ELAPOR2: variants seen among roughly 807,000 people sequenced by gnomAD.
ELAPOR2 encodes the protein endosome/lysosome-associated apoptosis and autophagy regulator family member 2.
A neutral mutation model predicts 120.7 loss-of-function variants in ELAPOR2; 89 were observed. The observed-to-expected ratio is 0.74, with a 90% CI of 0.62 to 0.88. The LOEUF is 0.88. Among genes scored for constraint, ELAPOR2 ranks in the 40% least tolerant of loss-of-function variants. The pLI, the probability that ELAPOR2 is intolerant of heterozygous loss-of-function variation, is 0.00. For missense variants in ELAPOR2, 1,134 were observed against 1,251.6 expected (o/e 0.91, Z 1.42); for synonymous variants, 444 against 444.9 (o/e 1.00, Z 0.03).
intron 7 of ELAPOR2, 76 bp from the exon 8 acceptor site, chr7:86,938,290 G>C: frequency 1.8e-6 from 2 of 1,121,882 alleles, no homozygotes; most frequent in Non-Finnish European, 2.6e-6. Context: ...AAGCAAAACA[G>C]AAAAAGCAAC....
At chr7:86,907,280 T>C (rs1789066554) in intron 18 of ELAPOR2, among the ~76,000 whole-genome samples, 1 of 152,072 alleles carries the variant, frequency 6.6e-6, no homozygotes, top group Non-Finnish European at 1.5e-5. Context: ...GATTACTTAA[T>C]CTTGATCACC....
intron 1 of ELAPOR2, among the ~76,000 whole-genome samples, chr7:87,040,519 T>G (rs956171575): frequency 7.2e-5 from 11 of 152,036 alleles, no homozygotes; most frequent in Non-Finnish European, 1.2e-4. Context: ...CACCTCACAC[T>G]GCAGGGTATT....
chr7:86,926,863 T>C lies in ELAPOR2; in HGVS notation c.1143A>G (p.Thr381=), dbSNP rs145349832. 2.0e-5 allele frequency: 32 copies of C among 1,600,488 alleles called. No individual in the cohort carries two copies. The highest frequency in any genetic ancestry group is 1.7e-5 in the Admixed American group (1 of 58,380). ...CAGAAGGGGGCAATCTAATAGCATC[T>C]GTGAGATCCTCCCGGCAGATTTTGG... ...IEPKICREDL[T]DAIRLPPSGE... The change falls in exon 9 of 22, where the codon ACA becomes ACG. Residue 381 remains threonine, a synonymous_variant. Transcript: ENST00000450689.
intron 1 of ELAPOR2, among the ~76,000 whole-genome samples, chr7:86,978,160 T>C (rs1210906238): frequency 6.6e-6 from 1 of 152,178 alleles, no homozygotes; most frequent in Non-Finnish European, 1.5e-5. Flanking sequence ...TGAGGTCTGA[T>C]GGTTTTATAA....
intron 1 of ELAPOR2, among the ~76,000 whole-genome samples, chr7:87,046,064 C>T (rs1794945239): frequency 6.6e-6 from 1 of 151,930 alleles, no homozygotes; most frequent in African/African-American, 2.4e-5. Flanking sequence ...CTAAAGACTC[C>T]ACCAAAAAAC....
chr7:86,925,605 T>C lies in ELAPOR2; in HGVS notation c.1322A>G (p.Lys441Arg). The C allele has an allele frequency of 1.9e-6, 3 of 1,612,066 alleles. No homozygotes were observed. The highest frequency in any genetic ancestry group is 2.5e-6 in the Non-Finnish European group (3 of 1,178,634). The change falls in exon 10 of 22, where the codon AAA (lysine) becomes AGA (arginine). Residue 441 changes from lysine (K) to arginine (R), a missense_variant. Lys to Arg is a conservative substitution (Grantham distance 26). Coordinates refer to ENST00000450689, the MANE Select transcript of ELAPOR2 (RefSeq NM_001142749.3). Reference protein sequence around the residue: ...GTEPALGFEYKWWNVLPGNMK... With the variant: ...GTEPALGFEYRWWNVLPGNMK... ...GTTGCCAGGAAGGACATTCCACCAT[T>C]TATATTCAAAGCCAAGTGCAGGCTC...
intron 3 of ELAPOR2, among the ~76,000 whole-genome samples, chr7:86,946,443 A>G (rs557004715): frequency 3.9e-4 from 60 of 152,260 alleles, no homozygotes; most frequent in African/African-American, 1.4e-3. Context: ...CTGGAGTGCA[A>G]TGGTGCGATC....
At chr7:87,037,618 G>A (rs1180539564) in intron 1 of ELAPOR2, among the ~76,000 whole-genome samples, 2 of 152,150 alleles carry the variant, frequency 1.3e-5, no homozygotes, top group Admixed American at 6.5e-5. Context: ...TGCGTCCAAT[G>A]TGATTTCCCT....
At chr7:86,943,911 G>A (rs534396681) in intron 4 of ELAPOR2, among the ~76,000 whole-genome samples, 62 of 152,134 alleles carry the variant, frequency 4.1e-4, no homozygotes, top group Non-Finnish European at 7.4e-4. Context: ...AATGCTTAGT[G>A]CCGGAAGGTT....
At chr7:86,960,560 T>C (rs1265978065) in intron 2 of ELAPOR2, among the ~76,000 whole-genome samples, 2 of 152,170 alleles carry the variant, frequency 1.3e-5, no homozygotes, top group Admixed American at 1.3e-4. Context: ...CTGCTGTTTC[T>C]TTACTGATTT....
At chr7:86,951,933 G>A (rs1236764112) in intron 2 of ELAPOR2, among the ~76,000 whole-genome samples, 5 of 152,088 alleles carry the variant, frequency 3.3e-5, no homozygotes, top group South Asian at 2.1e-4. Context: ...TTGTACTTAG[G>A]AACACTAGCC....
intron 2 of ELAPOR2, among the ~76,000 whole-genome samples, chr7:86,958,751 T>TA (rs926977795): frequency 3.3e-5 from 5 of 152,374 alleles, no homozygotes; most frequent in East Asian, 1.9e-4. Flanking sequence ...AGAATTAACA[T>TA]ACATGGCTCA....
At chr7:86,976,454 A>G (rs748909000) in intron 1 of ELAPOR2, among the ~76,000 whole-genome samples, 4 of 152,200 alleles carry the variant, frequency 2.6e-5, no homozygotes, top group Non-Finnish European at 5.9e-5. Flanking sequence ...AATATACTCA[A>G]AGAAGTATAG....
intron 1 of ELAPOR2, among the ~76,000 whole-genome samples, chr7:87,005,678 G>A (rs1242718293): frequency 6.6e-6 from 1 of 152,086 alleles, no homozygotes; most frequent in Non-Finnish European, 1.5e-5. Context: ...GGAAAGAAAA[G>A]ATCTTCTCAA....
intron 8 of ELAPOR2, among the ~76,000 whole-genome samples, chr7:86,927,190 A>G (rs1168895027): frequency 6.6e-6 from 1 of 151,778 alleles, no homozygotes; most frequent in African/African-American, 2.4e-5. Context: ...AATGTAGGTA[A>G]CCTGTTTATC....
At chr7:86,927,016 A>C in intron 8 of ELAPOR2, 100 bp from the exon 9 acceptor site, 1 of 1,078,974 alleles carries the variant, frequency 9.3e-7, no homozygotes, top group African/African-American at 1.6e-5. Flanking sequence ...ATGGTGACAG[A>C]ATAGAAGGGC....
At chr7:87,042,717 A>G (rs993251799) in intron 1 of ELAPOR2, among the ~76,000 whole-genome samples, 1 of 152,190 alleles carries the variant, frequency 6.6e-6, no homozygotes, top group African/African-American at 2.4e-5. Context: ...AAGCAAGAGC[A>G]AACACATTGA....
intron 19 of ELAPOR2, among the ~76,000 whole-genome samples, chr7:86,896,933 T>C (rs1788464398): frequency 6.6e-6 from 1 of 152,126 alleles, no homozygotes; most frequent in Non-Finnish European, 1.5e-5. Context: ...AAAAAGATTG[T>C]ATTCAATTTT....
chr7:86,959,368 G>T (rs1791608627), intron 2 of ELAPOR2, among the ~76,000 whole-genome samples: 2 of 152,154 alleles, frequency 1.3e-5, no homozygotes, highest in Admixed American at 1.3e-4. Flanking sequence ...TTGAATAGAA[G>T]TGGTGAAGGT....
Sources: gnomAD v4.1 joint callset for allele counts (sites outside exome capture counted in the v4.1 genomes callset) on GRCh38, gnomAD v4.1.1 for gene constraint, MANE v1.5 for transcripts, NCBI Gene and HGNC (gene_info 2026-07-23, HGNC 2026-07-21) for gene names.